Variants in CROCC2 observed in about 807,000 individuals in gnomAD.
CROCC2 encodes the protein ciliary rootlet coiled-coil protein 2.
Under a neutral mutation model 177.6 loss-of-function variants are expected in CROCC2, and 163 were observed. The ratio of observed to expected loss-of-function variants is 0.92; its 90% CI spans 0.81 to 1.05. The LOEUF is 1.05. CROCC2 is among the 50% of genes least tolerant of loss of function. The pLI is 0.00. For missense variants in CROCC2, 1,929 were observed against 1,797.8 expected (o/e 1.07, Z -1.32); for synonymous variants, 904 against 787.3 (o/e 1.15, Z -2.48).
chr2:240,915,313 T>C (rs2059313517), intron 1 of CROCC2, among the ~76,000 whole-genome samples: 1 of 152,242 alleles, frequency 6.6e-6, no homozygotes, highest in Non-Finnish European at 1.5e-5. Context: ...ACGAGGGTTC[T>C]GATTCCATCA....
chr2:240,930,073 C>G (rs2059417725), intron 5 of CROCC2, 93 bp from the exon 6 acceptor site: 1 of 517,326 alleles, frequency 1.9e-6, no homozygotes, highest in South Asian at 3.7e-5. Context: ...CTTCCAGCCC[C>G]CATGGAGAGG....
intron 22 of CROCC2, 147 bp downstream of exon 22, chr2:240,964,772 C>A: frequency 9.7e-7 from 1 of 1,032,280 alleles, no homozygotes; most frequent in Non-Finnish European, 1.4e-6. Context: ...CCTGCTCAGG[C>A]TCACAGGGTC....
rs1441991953 is a variant in CROCC2 at position 240,963,722 on chromosome 2, T to A, written c.3254T>A (p.Phe1085Tyr). The change falls in exon 21 of 32, where the codon TTC becomes TAC. Residue 1085 changes from phenylalanine (F) to tyrosine (Y), a missense_variant. Transcript: ENST00000690015. ...EAREKDVLLLFNSELRATICR... is the reference protein window; with the variant it reads ...EAREKDVLLLYNSELRATICR... Reference sequence around the variant, plus strand: ...CGCGAGAAGGACGTACTGTTGCTTTTCAACAGCGAGCTGCGGGCCACCATC... The same window carrying A: ...CGCGAGAAGGACGTACTGTTGCTTTACAACAGCGAGCTGCGGGCCACCATC... 1.3e-6 allele frequency: 2 copies of A among 1,550,076 alleles called. No homozygotes were observed. The highest frequency in any genetic ancestry group is 1.7e-6 in the Non-Finnish European group (2 of 1,146,778).
chr2:240,956,028 AG>A (rs2059588151), intron 19 of CROCC2, 56 bp downstream of exon 19: 1 of 1,313,528 alleles, frequency 7.6e-7, no homozygotes, highest in Non-Finnish European at 1.1e-6. Context: ...GGCAGACCCC[AG>A]GGGGCCACCC....
In CROCC2 at chr2:240,930,152, C is replaced by G. The variant is rs947686200; in HGVS notation, c.646-14C>G. Reference sequence around the variant, plus strand: ...GCCCCAGCCTGAAGTAGACAGGAGGCCTCTTGCTTTCAGACCCGGTCAGGG... The same window carrying G: ...GCCCCAGCCTGAAGTAGACAGGAGGGCTCTTGCTTTCAGACCCGGTCAGGG... On this transcript the variant is annotated splice_polypyrimidine_tract_variant and intron_variant, in intron 5 of 31. Transcript: ENST00000690015. The G allele has an allele frequency of 1.7e-5, 9 of 542,512 alleles. No individual in the cohort carries two copies. The highest frequency in any genetic ancestry group is 3.0e-5 in the Non-Finnish European group (9 of 296,904). The allele number at this position is 542,512 out of a possible 1,614,324, so 33.6% of individuals were successfully genotyped here.
intron 5 of CROCC2, among the ~76,000 whole-genome samples, chr2:240,929,964 A>G (rs1382256686): frequency 6.6e-6 from 1 of 152,148 alleles, no homozygotes; most frequent in East Asian, 1.9e-4. Flanking sequence ...TCCCCAGATC[A>G]TCTCCTGGGG....
Position 240,935,435 on chromosome 2 carries a change from G to T in CROCC2, c.2016G>T (p.Leu672=). ...EQERARAGEQ[L]AQAEQQLALE... ...AACGGGCCCGGGCCGGGGAGCAGCT[G>T]GCACAGGCGGAGCAGCAGCTGGCGC... The change falls in exon 14 of 32, where the codon CTG becomes CTT. Residue 672 remains leucine (L), a synonymous_variant. Coordinates refer to ENST00000690015, the MANE Select transcript of CROCC2 (RefSeq NM_001351305.2). 7.3e-7 allele frequency: 1 copy of T among 1,372,576 alleles called. No individual in the cohort carries two copies. The highest frequency in any genetic ancestry group is 9.5e-7 in the Non-Finnish European group (1 of 1,057,762). The allele number at this position is 1,372,576 out of a possible 1,614,324, so 85.0% of individuals were successfully genotyped here.
intron 4 of CROCC2, 66 bp downstream of exon 4, chr2:240,922,711 A>G (rs1012284803): frequency 5.8e-6 from 3 of 517,208 alleles, no homozygotes; most frequent in Admixed American, 3.5e-5. Flanking sequence ...AGGCAGTGGG[A>G]CCCTCTGTGC....
chr2:240,958,452 C>A lies in CROCC2; in HGVS notation c.2944-849C>A. ...GCAGGGGGCACAGGCTGCAGGAACC[C>A]CCACCCTAGCAGAATCCAGGTGGAC... On this transcript the variant is annotated intron_variant, in intron 19 of 31. Coordinates refer to ENST00000690015, the MANE Select transcript of CROCC2 (RefSeq NM_001351305.2). This position sits in a 1 kb window ranked among gnomAD's most constrained non-coding sequence, Gnocchi z 6.7. 2.7e-6 allele frequency: 1 copy of A among 369,390 alleles called. No homozygotes were observed. The highest frequency in any genetic ancestry group is 1.3e-3 in the Middle Eastern group (1 of 768). 22.9% of individuals were successfully genotyped at this position (369,390 alleles called of 1,614,324 possible).
chr2:240,962,998 AC>A (rs1464171450), intron 20 of CROCC2, among the ~76,000 whole-genome samples: 15 of 152,144 alleles, frequency 9.9e-5, no homozygotes, highest in African/African-American at 3.4e-4. Flanking sequence ...TCCCATGCCA[AC>A]GGGGGAAGGA....
At chr2:240,963,946 C>A (rs1009053854) in intron 21 of CROCC2, 173 bp downstream of exon 21, 8 of 668,550 alleles carry the variant, frequency 1.2e-5, no homozygotes, top group Non-Finnish European at 2.0e-5. Context: ...AAGAGGTCTG[C>A]AATGCTGGCC....
chr2:240,987,684 G>C (rs2059849775), intron 28 of CROCC2, among the ~76,000 whole-genome samples: 1 of 152,250 alleles, frequency 6.6e-6, no homozygotes, highest in South Asian at 2.1e-4. Flanking sequence ...GCCCAATCCT[G>C]GGCCAGGGCC....
rs1327351236 is a variant in CROCC2 at position 240,949,161 on chromosome 2, G to A, written c.2482+64G>A. The A allele has an allele frequency of 2.3e-5, 34 of 1,469,928 alleles. No individual in the cohort carries two copies. The highest frequency in any genetic ancestry group is 3.1e-5 in the Non-Finnish European group (34 of 1,113,788). 91.1% of individuals were successfully genotyped at this position (1,469,928 alleles called of 1,614,324 possible). ...TCAGCCATGGAGGGGCCCCTGGAAT[G>A]GAGCTCAGTGCCCACACGTGCTGCA... On this transcript the variant is annotated intron_variant, in intron 16 of 31. Coordinates refer to ENST00000690015, the MANE Select transcript of CROCC2 (RefSeq NM_001351305.2). This position sits in a 1 kb window ranked among gnomAD's most constrained non-coding sequence, Gnocchi z 4.5.
intron 14 of CROCC2, among the ~76,000 whole-genome samples, chr2:240,938,965 G>C (rs571335476): frequency 6.6e-6 from 1 of 152,148 alleles, no homozygotes; most frequent in East Asian, 1.9e-4. Context: ...TGTAACAATA[G>C]TTTTACTTTT....
At position 240,934,401 on chromosome 2, in the gene CROCC2, G is replaced by T. The variant is rs1344702523; in HGVS notation, c.1717G>T (p.Ala573Ser). ...AGAGGAGCTGGCATCGGTCCGGGAG[G>T]CACTGAGCACAGCACAGCTGCAGCG... is the stretch of plus-strand genomic sequence containing the variant. ...LREELASVRE[A>S]LSTAQLQRDV... Residue 573 changes from alanine (A) to serine (S), a missense_variant, in exon 12 of 32, where the codon GCA (alanine) becomes TCA (serine). Ala to Ser is a moderately conservative substitution (Grantham distance 99). Coordinates refer to ENST00000690015, the MANE Select transcript of CROCC2 (RefSeq NM_001351305.2). 15 of 1,548,616 alleles carry T rather than the reference G, an allele frequency of 9.7e-6. No individual in the cohort carries two copies. Among genetic ancestry groups the T allele is most frequent in the Admixed American group, 3.9e-5 (2 of 50,990 alleles).
chr2:240,965,844 G>C lies in CROCC2; in HGVS notation c.3812G>C (p.Ser1271Thr). 2 of 1,452,722 alleles carry C rather than the reference G, an allele frequency of 1.4e-6. No individual in the cohort carries two copies. The highest frequency in any genetic ancestry group is 1.8e-6 in the Non-Finnish European group (2 of 1,100,378). The allele number at this position is 1,452,722 out of a possible 1,614,324, so 90.0% of individuals were successfully genotyped here. ...GACCAGGCCTGTCACCGAATCCACA[G>C]CCTGGAGCAGGAGCTGGCCCAGGCT... The part of the protein sequence containing the change: ...RLDQACHRIH[S>T]LEQELAQAEG... The change falls in exon 24 of 32, where the codon AGC (serine) becomes ACC (threonine). Residue 1271 changes from serine to threonine, a missense_variant. Around this residue, in one of 3 missense-constraint regions of CROCC2, gnomAD observed 144 missense variants for 205.2 expected, o/e 0.70. Coordinates refer to ENST00000690015, the MANE Select transcript of CROCC2 (RefSeq NM_001351305.2).
At chr2:240,955,630 G>A (rs1022208948) in intron 18 of CROCC2, 24 of 510,742 alleles carry the variant, frequency 4.7e-5, no homozygotes, top group African/African-American at 1.5e-4. Flanking sequence ...GGACGATGTC[G>A]GACAGAGGGC....
chr2:240,945,007 G>A (rs752760880), intron 14 of CROCC2, among the ~76,000 whole-genome samples: 9 of 152,112 alleles, frequency 5.9e-5, no homozygotes, highest in Non-Finnish European at 1.0e-4. Flanking sequence ...CATGATCTTG[G>A]CTCACCATAA....
intron 19 of CROCC2, 100 bp downstream of exon 19, chr2:240,956,072 C>T (rs2059588328): frequency 1.2e-6 from 1 of 830,048 alleles, no homozygotes; most frequent in African/African-American, 1.7e-5. Context: ...TGACCCTCTC[C>T]ATCCCCTCCC....
Sources: gnomAD v4.1 joint callset for allele counts (sites outside exome capture counted in the v4.1 genomes callset) on GRCh38, gnomAD v4.1.1 for gene constraint, gnomAD v4.1.1 regional missense constraint, Gnocchi (gnomAD v3.1) non-coding constraint, MANE v1.5 for transcripts, NCBI Gene and HGNC (gene_info 2026-07-23, HGNC 2026-07-21) for gene names.